Variants in GLIPR2 observed in about 807,000 individuals in gnomAD.
The protein encoded by GLIPR2 is GLI pathogenesis related 2.
A neutral mutation model predicts 20.4 loss-of-function variants in GLIPR2; 21 were observed. The observed-to-expected ratio is 1.03, with a 90% CI of 0.73 to 1.48. The LOEUF is 1.48. Ranked by LOEUF, GLIPR2 falls within the 40% of genes most tolerant of loss-of-function variation. The pLI, the probability that GLIPR2 is intolerant of heterozygous loss-of-function variation, is 0.00. For missense variants in GLIPR2, 205 were observed against 200.1 expected (o/e 1.02, Z -0.15); for synonymous variants, 91 against 80.5 (o/e 1.13, Z -0.70).
chr9:36,139,404 AC>A (rs1824971802), intron 1 of GLIPR2, among the ~76,000 whole-genome samples: 1 of 151,934 alleles, frequency 6.6e-6, no homozygotes, highest in Non-Finnish European at 1.5e-5. Flanking sequence ...CCCCACCCCA[AC>A]CGGAAAACCG....
chr9:36,148,507 G>T, intron 2 of GLIPR2, 40 bp from the exon 3 acceptor site: 1 of 1,491,374 alleles, frequency 6.7e-7, no homozygotes, highest in South Asian at 1.1e-5. Context: ...GGGGTTCCCT[G>T]AACTGCACCT....
At position 36,162,687 on chromosome 9, in the gene GLIPR2, C is replaced by T. The variant is rs75443049; in HGVS notation, c.*165C>T. ...ACACTTGGACATACAGTTCTGTGTG[C>T]GCTCATTCTTATTACAGGAGTGAGC... On this transcript the variant is annotated 3_prime_UTR_variant, in exon 5 of 5. Coordinates refer to ENST00000377960, the MANE Select transcript of GLIPR2 (RefSeq NM_022343.4). The T allele has an allele frequency of 6.0e-3, 4,176 of 692,366 alleles. 124 individuals are homozygous for T. The African/African-American group carries it at 0.065, about 11-fold the overall frequency. 42.9% of individuals were successfully genotyped at this position (692,366 alleles called of 1,614,324 possible). A position where few individuals can be genotyped will look rare whatever the true frequency, so the allele number is the denominator to read the frequency against.
rs1826105469 is a variant in GLIPR2 at position 36,162,587 on chromosome 9, A to G, written c.*65A>G. On this transcript the variant is annotated 3_prime_UTR_variant, in exon 5 of 5. Coordinates refer to ENST00000377960, the MANE Select transcript of GLIPR2 (RefSeq NM_022343.4). ...TGGATATGAAGTGCCTAGAACCACC[A>G]CAACCTGGCTGTGCGTCTGTCCCTG... 6.6e-7 allele frequency: 1 copy of G among 1,523,286 alleles called. No homozygotes were observed. Among genetic ancestry groups the G allele is most frequent in the Non-Finnish European group, 9.0e-7 (1 of 1,111,812 alleles). 94.4% of individuals were successfully genotyped at this position (1,523,286 alleles called of 1,614,324 possible). A position where few individuals can be genotyped will look rare whatever the true frequency, so the allele number is the denominator to read the frequency against.
chr9:36,156,385 TAAAAAAA>T (rs58467311), intron 4 of GLIPR2, among the ~76,000 whole-genome samples: 20,347 of 77,442 alleles, frequency 0.26, 1,635 homozygotes, highest in South Asian at 0.41. Flanking sequence ...AAGCCATGTC[TAAAAAAA>T]AAAAAAAAAA....
At chr9:36,139,246 G>A (rs1467852825) in intron 1 of GLIPR2, among the ~76,000 whole-genome samples, 1 of 152,102 alleles carries the variant, frequency 6.6e-6, no homozygotes, top group African/African-American at 2.4e-5. Context: ...TCACTCAGGA[G>A]AGGAGGGGGC....
chr9:36,161,262 C>T (rs1439572977), intron 4 of GLIPR2, among the ~76,000 whole-genome samples: 1 of 151,906 alleles, frequency 6.6e-6, no homozygotes, highest in African/African-American at 2.4e-5. Flanking sequence ...ATGCAGACTC[C>T]CCCTGGCAGT....
upstream of GLIPR2, chr9:36,136,613 C>A: frequency 2.4e-6 from 1 of 422,202 alleles, no homozygotes; most frequent in Non-Finnish European, 3.9e-6. The surrounding 1 kb of genome is among the most constrained non-coding windows in gnomAD (Gnocchi z 4.3). Context: ...CACGGGGTGG[C>A]CCCGGGCGCC....
chr9:36,136,837 G>C lies in GLIPR2; in HGVS notation c.13+46G>C, dbSNP rs1824840446. 1.6e-6 allele frequency: 2 copies of C among 1,268,658 alleles called. No individual in the cohort carries two copies. The highest frequency in any genetic ancestry group is 3.2e-5 in the East Asian group (1 of 31,646). 78.6% of individuals were successfully genotyped at this position (1,268,658 alleles called of 1,614,324 possible). The stretch of plus-strand genomic sequence containing the variant: ...GCTGCGGAATGGTTCGGAACCCCGC[G>C]CTCCCGGACCTCGCCGTCTCCCTCG... On this transcript the variant is annotated intron_variant, in intron 1 of 4. Transcript: ENST00000377960. The surrounding 1 kb of genome is among the most constrained non-coding windows in gnomAD (Gnocchi z 4.3).
At chr9:36,138,229 T>C (rs910139232) in intron 1 of GLIPR2, among the ~76,000 whole-genome samples, 4 of 152,054 alleles carry the variant, frequency 2.6e-5, no homozygotes, top group Admixed American at 6.5e-5. Context: ...TACTTTTTTT[T>C]TTTCTTTCTT....
chr9:36,156,711 C>T (rs1050375640), intron 4 of GLIPR2, among the ~76,000 whole-genome samples: 13 of 152,268 alleles, frequency 8.5e-5, no homozygotes, highest in South Asian at 2.1e-4. Flanking sequence ...TCAGCAGTGG[C>T]GTTAGATTCT....
rs75149440 is a variant in GLIPR2 at position 36,160,275 on chromosome 9, G to A, written c.305-2087G>A. On this transcript the variant is annotated intron_variant, in intron 4 of 4. Coordinates refer to ENST00000377960, the MANE Select transcript of GLIPR2 (RefSeq NM_022343.4). Reference sequence around the variant, plus strand: ...CAACCTAAGATGATCCGCCCACCTCGGCCTCTCGAAGTGCTGGCATTGCAG... The same window carrying A: ...CAACCTAAGATGATCCGCCCACCTCAGCCTCTCGAAGTGCTGGCATTGCAG... Among the ~76,000 whole-genome samples, 521 of 152,208 alleles carry A rather than the reference G, an allele frequency of 3.4e-3. 4 individuals are homozygous for A. Among genetic ancestry groups the A allele is most frequent in the African/African-American group, 0.012 (509 of 41,540 alleles).
intron 4 of GLIPR2, among the ~76,000 whole-genome samples, chr9:36,153,184 C>T (rs1197669357): frequency 6.6e-6 from 1 of 150,554 alleles, no homozygotes; most frequent in Non-Finnish European, 1.5e-5. Context: ...GAGGAAGAAA[C>T]TGAGGCCTAG....
rs1040630675 is a variant in GLIPR2 at position 36,147,774 on chromosome 9, C to T, written c.14-12C>T. ...CTGCACTGAGCCATTCTCCATTTTGCAATCATTCCAGCTTCCAAACAGTTT... is the reference window on the plus strand; with the variant it reads ...CTGCACTGAGCCATTCTCCATTTTGTAATCATTCCAGCTTCCAAACAGTTT... On this transcript the variant is annotated splice_polypyrimidine_tract_variant and intron_variant, in intron 1 of 4. Transcript: ENST00000377960. The T allele has an allele frequency of 1.6e-6, 2 of 1,234,396 alleles. No individual in the cohort carries two copies. Among genetic ancestry groups the T allele is most frequent in the South Asian group, 1.2e-5 (1 of 83,492 alleles). The allele number at this position is 1,234,396 out of a possible 1,614,324, so 76.5% of individuals were successfully genotyped here. A position where few individuals can be genotyped will look rare whatever the true frequency, so the allele number is the denominator to read the frequency against.
chr9:36,162,411 GAAGGCGTCCGC>G lies in GLIPR2; in HGVS notation c.358_368del (p.Ala120Ter). On this transcript the variant is annotated frameshift_variant, in exon 5 of 5. Coordinates refer to ENST00000377960, the MANE Select transcript of GLIPR2 (RefSeq NM_022343.4). LOFTEE classifies it high-confidence loss of function. Reference sequence around the variant, plus strand: ...AGAACACCAAGAAGATGGGCGTGGGGAAGGCGTCCGCAAGTGACGGGTCCTCCTTTGTGGTG... The same window carrying G: ...AGAACACCAAGAAGATGGGCGTGGGGAAGTGACGGGTCCTCCTTTGTGGTG... The G allele has an allele frequency of 6.2e-7, 1 of 1,614,122 alleles. No homozygotes were observed.
At chr9:36,156,661 G>A (rs1825846835) in intron 4 of GLIPR2, among the ~76,000 whole-genome samples, 1 of 152,172 alleles carries the variant, frequency 6.6e-6, no homozygotes, top group Non-Finnish European at 1.5e-5. Context: ...GGTGAGCCTG[G>A]GTGAGTAAGA....
At position 36,150,891 on chromosome 9, in the gene GLIPR2, A is replaced by G. The variant is rs986747569; in HGVS notation, c.246A>G (p.Arg82=). ...ACACAGGAAAGGAGGTGGCTGATAG[A>G]TGGTACAGTGAAATCAAGAACTATA... The part of the protein sequence containing the change: ...YDQTGKEVAD[R]WYSEIKNYNF... The change falls in exon 4 of 5, where the codon AGA becomes AGG. Residue 82 remains arginine (R), a synonymous_variant. Transcript: ENST00000377960. The G allele has an allele frequency of 6.2e-7, 1 of 1,613,500 alleles. No individual in the cohort carries two copies. The highest frequency in any genetic ancestry group is 1.7e-5 in the Admixed American group (1 of 60,000).
At chr9:36,160,690 G>A (rs968284212) in intron 4 of GLIPR2, among the ~76,000 whole-genome samples, 8 of 152,182 alleles carry the variant, frequency 5.3e-5, no homozygotes, top group Non-Finnish European at 1.0e-4. Flanking sequence ...ATTGGGGAGC[G>A]AGTGAAGGAT....
intron 1 of GLIPR2, among the ~76,000 whole-genome samples, chr9:36,140,810 G>A (rs1825038797): frequency 1.3e-5 from 2 of 152,134 alleles, no homozygotes; most frequent in African/African-American, 2.4e-5. Flanking sequence ...TGGACAATGC[G>A]CATGCCCCCC....
In GLIPR2 at chr9:36,147,823, C is replaced by A; in HGVS notation, c.51C>A (p.His17Gln). Residue 17 changes from histidine (H) to glutamine (Q), a missense_variant, in exon 2 of 5, where the codon CAC (histidine) becomes CAA (glutamine). Physicochemically the swap from His to Gln is conservative, Grantham distance 24. Coordinates refer to ENST00000377960, the MANE Select transcript of GLIPR2 (RefSeq NM_022343.4). Reference protein sequence around the residue: ...KQFHNEVLKAHNEYRQKHGVP... With the variant: ...KQFHNEVLKAQNEYRQKHGVP... ...TTCATAATGAGGTCCTGAAGGCCCA[C>A]AATGAGTACCGGCAGAAGCACGGCG... 2 of 1,596,722 alleles carry A rather than the reference C, an allele frequency of 1.3e-6. No individual in the cohort carries two copies. The highest frequency in any genetic ancestry group is 1.3e-5 in the African/African-American group (1 of 74,666).
Sources: gnomAD v4.1 joint callset for allele counts (sites outside exome capture counted in the v4.1 genomes callset) on GRCh38, gnomAD v4.1.1 for gene constraint, Gnocchi (gnomAD v3.1) non-coding constraint, MANE v1.5 for transcripts, NCBI Gene and HGNC (gene_info 2026-07-23, HGNC 2026-07-21) for gene names.